Variants in ZNF347 observed in about 807,000 individuals in gnomAD.
ZNF347 encodes the protein CTD-2620I22.7.
A neutral mutation model predicts 12.9 loss-of-function variants in ZNF347; 19 were observed. That is an observed-to-expected ratio of 1.47 (90% CI 1.03 to 2.16). The LOEUF is 2.16. Among genes scored for constraint, ZNF347 ranks in the 30% most tolerant of loss-of-function variants. ZNF347 has a pLI of 0.00. For synonymous variants in ZNF347, 328 were observed against 340.6 expected (o/e 0.96, Z 0.41); for missense variants, 1,005 against 990.6 (o/e 1.01, Z -0.19).
At chr19:53,147,247 C>T (rs1431136294) in intron 4 of ZNF347, among the ~76,000 whole-genome samples, 4 of 152,066 alleles carry the variant, frequency 2.6e-5, no homozygotes, top group Non-Finnish European at 4.4e-5. Flanking sequence ...TGGTGGCACA[C>T]GCCTGTAATC....
chr19:53,141,017 T>G lies in ZNF347; in HGVS notation c.1811A>C (p.Lys604Thr), dbSNP rs368876831. The change falls in exon 5 of 5, where the codon AAG becomes ACG. Residue 604 changes from lysine (K) to threonine (T), a missense_variant. By Grantham distance (78) the Lys-to-Thr change is moderately conservative (BLOSUM62 -1). Transcript: ENST00000334197. Reference sequence around the variant, plus strand: ...AAGGTATGAATTATGCCTAAAGACCTTGCCACATTCATTACATTTATAAGG... The same window carrying G: ...AAGGTATGAATTATGCCTAAAGACCGTGCCACATTCATTACATTTATAAGG... Reference protein sequence around the residue: ...EKPYKCNECGKVFRHNSYLSR... With the variant: ...EKPYKCNECGTVFRHNSYLSR... The G allele has an allele frequency of 9.9e-6, 16 of 1,613,532 alleles. No individual in the cohort carries two copies. In the African/African-American group the frequency reaches 2.0e-4, roughly 20 times the overall value.
intron 1 of ZNF347, among the ~76,000 whole-genome samples, chr19:53,158,199 C>T (rs1292283463): frequency 6.6e-6 from 1 of 152,208 alleles, no homozygotes; most frequent in Non-Finnish European, 1.5e-5. Flanking sequence ...CCAGCGCGGG[C>T]TCAGGAGAAG....
chr19:53,150,466 C>A (rs567236829), intron 2 of ZNF347, among the ~76,000 whole-genome samples: 1 of 152,260 alleles, frequency 6.6e-6, no homozygotes, highest in African/African-American at 2.4e-5. Context: ...GTGTTGATTT[C>A]TCAGTTTTGT....
intron 4 of ZNF347, among the ~76,000 whole-genome samples, chr19:53,145,115 AC>A (rs1201161068): frequency 1.3e-5 from 2 of 151,838 alleles, no homozygotes; most frequent in Non-Finnish European, 2.9e-5. Context: ...ACATGGTGAA[AC>A]CCTGTTTCTA....
chr19:53,148,558 A>G (rs1286616325), intron 4 of ZNF347, 123 bp downstream of exon 4: 1 of 1,193,530 alleles, frequency 8.4e-7, no homozygotes, highest in Non-Finnish European at 1.2e-6. Context: ...GGGGGCAAAT[A>G]AAGATTTCTG....
intron 1 of ZNF347, among the ~76,000 whole-genome samples, chr19:53,157,107 G>C (rs2090540660): frequency 6.6e-6 from 1 of 152,150 alleles, no homozygotes; most frequent in Non-Finnish European, 1.5e-5. Flanking sequence ...AACTAAATGA[G>C]CGAAGTCACT....
rs144629533 is a variant in ZNF347 at position 53,140,049 on chromosome 19, C to G, written c.*259G>C. 1.4e-5 allele frequency: 5 copies of G among 347,628 alleles called. No homozygotes were observed. Among genetic ancestry groups the G allele is most frequent in the Non-Finnish European group, 2.6e-5 (5 of 193,228 alleles). The allele number at this position is 347,628 out of a possible 1,614,324, so 21.5% of individuals were successfully genotyped here. ...CTATATAGCTGGGATTACAGGCGCA[C>G]GCCACCAGGCCTAGCTAATTGTGTA... On this transcript the variant is annotated 3_prime_UTR_variant, in exon 5 of 5. Transcript: ENST00000334197.
chr19:53,149,046 A>G, intron 3 of ZNF347, 195 bp downstream of exon 3: 2 of 1,232,538 alleles, frequency 1.6e-6, no homozygotes, highest in Non-Finnish European at 2.2e-6. Context: ...GGATATTTTA[A>G]AAGTCCTGAA....
At chr19:53,147,695 C>G (rs1362218948) in intron 4 of ZNF347, among the ~76,000 whole-genome samples, 3 of 151,918 alleles carry the variant, frequency 2.0e-5, no homozygotes, top group African/African-American at 7.2e-5. Context: ...ACCCTGATAC[C>G]AAAAAGCAGA....
At chr19:53,156,947 G>C (rs150812718) in intron 1 of ZNF347, among the ~76,000 whole-genome samples, 136 of 152,274 alleles carry the variant, frequency 8.9e-4, no homozygotes, top group African/African-American at 3.2e-3. Flanking sequence ...ACACATTTTC[G>C]TGAGTGGAGG....
chr19:53,157,663 G>A (rs184799645), intron 1 of ZNF347, among the ~76,000 whole-genome samples: 4 of 151,868 alleles, frequency 2.6e-5, no homozygotes, highest in African/African-American at 9.7e-5. Flanking sequence ...TACACCTCTT[G>A]CCCCACTCTC....
intron 2 of ZNF347, among the ~76,000 whole-genome samples, chr19:53,151,426 T>C (rs536743917): frequency 2.0e-5 from 3 of 150,868 alleles, no homozygotes; most frequent in African/African-American, 7.3e-5. Context: ...TAGTCTCAGC[T>C]ACTCAGGAGG....
chr19:53,136,235 T>G lies in ZNF347; in HGVS notation c.*4073A>C, dbSNP rs1270028570. 6.6e-6 allele frequency: 1 copy of G among 150,704 alleles called. No homozygotes were observed. The highest frequency in any genetic ancestry group is 2.5e-5 in the African/African-American group (1 of 40,684). 9.3% of individuals were successfully genotyped at this position (150,704 alleles called of 1,614,324 possible). On this transcript the variant is annotated 3_prime_UTR_variant, in exon 5 of 5. Transcript: ENST00000334197. The stretch of plus-strand genomic sequence containing the variant: ...AAAGATTTACAAGGACACTCCATTT[T>G]CCTATTTACAGAGAACCTAGTCTGT...
In ZNF347 at chr19:53,137,374, A is replaced by G. The variant is rs1201944115; in HGVS notation, c.*2934T>C. On this transcript the variant is annotated 3_prime_UTR_variant, in exon 5 of 5. Transcript: ENST00000334197. Reference sequence around the variant, plus strand: ...TTGGCACTAGATGGAAGTTCAAATCACGTGTGGGATCCTCACCCCAACCCA... The same window carrying G: ...TTGGCACTAGATGGAAGTTCAAATCGCGTGTGGGATCCTCACCCCAACCCA... The G allele has an allele frequency of 6.6e-6, 1 of 152,090 alleles. No individual in the cohort carries two copies. Among genetic ancestry groups the G allele is most frequent in the Admixed American group, 6.5e-5 (1 of 15,268 alleles). The allele number at this position is 152,090 out of a possible 1,614,324, so 9.4% of individuals were successfully genotyped here.
chr19:53,141,833 A>G lies in ZNF347; in HGVS notation c.995T>C (p.Leu332Pro). Residue 332 changes from leucine to proline, a missense_variant, in exon 5 of 5, where the codon CTC becomes CCC. Transcript: ENST00000334197. ...CGKVFSRNSQ[L>P]SQHQKIHTGE... ...AGTGTGAATTTTCTGATGTTGTGAGAGTTGTGAATTTCGACTAAAGACCTT... is the reference window on the plus strand; with the variant it reads ...AGTGTGAATTTTCTGATGTTGTGAGGGTTGTGAATTTCGACTAAAGACCTT... The G allele has an allele frequency of 1.2e-6, 2 of 1,614,046 alleles. No homozygotes were observed. Among genetic ancestry groups the G allele is most frequent in the Non-Finnish European group, 1.7e-6 (2 of 1,180,008 alleles).
At chr19:53,152,881 G>A (rs1162442983) in intron 2 of ZNF347, among the ~76,000 whole-genome samples, 1 of 152,078 alleles carries the variant, frequency 6.6e-6, no homozygotes, top group African/African-American at 2.4e-5. Context: ...ATTGGGCTGA[G>A]ATCATGCCAC....
intron 4 of ZNF347, among the ~76,000 whole-genome samples, chr19:53,147,193 G>A (rs1253515634): frequency 6.6e-6 from 1 of 152,018 alleles, no homozygotes; most frequent in Non-Finnish European, 1.5e-5. Context: ...TGGCCAACAT[G>A]GTGAAACCCC....
chr19:53,152,665 T>G (rs1270911605), intron 2 of ZNF347, among the ~76,000 whole-genome samples: 1 of 152,056 alleles, frequency 6.6e-6, no homozygotes, highest in Non-Finnish European at 1.5e-5. Flanking sequence ...GCGCAGTGGC[T>G]CACGCCTGTA....
chr19:53,145,166 C>T (rs1460772014), intron 4 of ZNF347, among the ~76,000 whole-genome samples: 1 of 151,498 alleles, frequency 6.6e-6, no homozygotes, highest in Non-Finnish European at 1.5e-5. Context: ...TGGCACACGC[C>T]TATAATCCTA....
Sources: gnomAD v4.1 joint callset for allele counts (sites outside exome capture counted in the v4.1 genomes callset) on GRCh38, gnomAD v4.1.1 for gene constraint, MANE v1.5 for transcripts, NCBI Gene and HGNC (gene_info 2026-07-23, HGNC 2026-07-21) for gene names.